Variants in PLCE1 observed in about 807,000 individuals in gnomAD.
The protein encoded by PLCE1 is phospholipase C epsilon 1.
Under a neutral mutation model 242.8 loss-of-function variants are expected in PLCE1, and 119 were observed. That is an observed-to-expected ratio of 0.49 (90% confidence interval 0.42 to 0.57). PLCE1 has a LOEUF of 0.57. Ranked by LOEUF, PLCE1 falls within the 20% of genes least tolerant of loss-of-function variation. PLCE1 has a pLI of 0.00. For synonymous variants in PLCE1, 945 were observed against 1,017.4 expected, an observed-to-expected ratio of 0.93 and a Z score of 1.35; for missense variants, 2,441 against 2,788.8, an observed-to-expected ratio of 0.88 and a Z score of 2.81.
intron 1 of PLCE1, among the ~76,000 whole-genome samples, chr10:94,016,261 A>G (rs1461829463): frequency 6.6e-6 from 1 of 152,024 alleles, no homozygotes; most frequent in Non-Finnish European, 1.5e-5. Context: ...AGACAATAGT[A>G]CTAGGTTGAG....
chr10:94,301,082 T>G (rs1217741714), intron 24 of PLCE1, among the ~76,000 whole-genome samples: 2 of 151,798 alleles, frequency 1.3e-5, no homozygotes, highest in Admixed American at 1.3e-4. Context: ...CGATGGCTTA[T>G]GCCTGTATTC....
At chr10:94,116,373 G>T (rs920735952) in intron 2 of PLCE1, among the ~76,000 whole-genome samples, 1 of 152,210 alleles carries the variant, frequency 6.6e-6, no homozygotes, top group East Asian at 1.9e-4. Flanking sequence ...GGCATTGGTA[G>T]GAAAAGGTTG....
At chr10:94,201,629 C>T (rs1459950955) in intron 4 of PLCE1, among the ~76,000 whole-genome samples, 13 of 152,158 alleles carry the variant, frequency 8.5e-5, no homozygotes. Flanking sequence ...GCGCCTGCCA[C>T]CAAGCCCGGC....
At chr10:94,127,968 G>T (rs1441254624) in intron 2 of PLCE1, among the ~76,000 whole-genome samples, 1 of 151,014 alleles carries the variant, frequency 6.6e-6, no homozygotes, top group Admixed American at 6.6e-5. Flanking sequence ...GAGTGATCTA[G>T]GAAGAGATAA....
At chr10:94,262,422 C>A in intron 13 of PLCE1, 72 bp from the exon 14 acceptor site, 1 of 969,412 alleles carries the variant, frequency 1.0e-6, no homozygotes, top group Non-Finnish European at 1.7e-6. Flanking sequence ...AACTCCACAC[C>A]ATTATCTCCA....
chr10:94,004,204 A>G (rs1356486007), intron 1 of PLCE1, among the ~76,000 whole-genome samples: 4 of 152,194 alleles, frequency 2.6e-5, no homozygotes, highest in African/African-American at 9.7e-5. Flanking sequence ...CTCCCAAGAC[A>G]GGCAGAATTG....
intron 3 of PLCE1, among the ~76,000 whole-genome samples, chr10:94,153,145 C>A (rs2047324704): frequency 6.6e-6 from 1 of 152,050 alleles, no homozygotes. Flanking sequence ...AATACAGGTC[C>A]AAGTTAGAGC....
At chr10:94,248,520 A>G (rs965603806) in intron 8 of PLCE1, among the ~76,000 whole-genome samples, 4 of 152,062 alleles carry the variant, frequency 2.6e-5, no homozygotes, top group Non-Finnish European at 2.9e-5. Context: ...AGCCTGGGAG[A>G]TGGAGGTTGC....
chr10:94,319,465 G>T (rs556637235), intron 29 of PLCE1, among the ~76,000 whole-genome samples: 2 of 152,232 alleles, frequency 1.3e-5, no homozygotes, highest in Admixed American at 6.5e-5. Context: ...AAATTCTTCA[G>T]TTGCTCTCTG....
At chr10:94,278,275 G>A (rs913466789) in intron 19 of PLCE1, among the ~76,000 whole-genome samples, 6 of 151,992 alleles carry the variant, frequency 3.9e-5, no homozygotes, top group African/African-American at 9.7e-5. Context: ...GGGAGTCTAC[G>A]AATATAAATG....
At chr10:94,265,434 T>G (rs146821433) in intron 14 of PLCE1, among the ~76,000 whole-genome samples, 6 of 152,348 alleles carry the variant, frequency 3.9e-5, no homozygotes, top group African/African-American at 9.6e-5. Context: ...TTCTATTAAA[T>G]AAATATGCTT....
Position 94,031,328 on chromosome 10 carries a change from C to T in PLCE1, c.282C>T (p.Ile94=), listed in dbSNP as rs369790468. ...ENSNEKCWEK[I]MPDSAKNLNI... is the part of the protein sequence containing the mutation. The stretch of plus-strand genomic sequence containing the variant: ...GTAATGAAAAATGTTGGGAGAAAAT[C>T]ATGCCAGATTCTGCGAAAAACCTTA... Residue 94 remains isoleucine, a synonymous_variant, in exon 2 of 33, where the codon ATC becomes ATT. Transcript: ENST00000371380. 67 of 1,613,696 alleles carry T rather than the reference C, an allele frequency of 4.2e-5. No homozygotes were observed. Among genetic ancestry groups the T allele is most frequent in the Non-Finnish European group, 4.9e-5 (58 of 1,179,854 alleles).
intron 2 of PLCE1, among the ~76,000 whole-genome samples, chr10:94,073,393 G>A (rs548614572): frequency 6.6e-6 from 1 of 152,284 alleles, no homozygotes; most frequent in Non-Finnish European, 1.5e-5. Context: ...GTGAGGACTG[G>A]AAATTGTCAG....
chr10:94,146,600 C>G (rs1303330963), intron 3 of PLCE1, among the ~76,000 whole-genome samples: 5 of 152,124 alleles, frequency 3.3e-5, no homozygotes, highest in African/African-American at 1.2e-4. Context: ...ATCCGTAGCC[C>G]TGACTTGAAC....
intron 4 of PLCE1, among the ~76,000 whole-genome samples, chr10:94,200,954 G>A (rs1377475262): frequency 1.3e-5 from 2 of 152,136 alleles, no homozygotes; most frequent in Non-Finnish European, 2.9e-5. Flanking sequence ...TAAAAATAAG[G>A]CAAGTGTAAG....
chr10:94,014,474 G>A (rs1005288335), intron 1 of PLCE1, among the ~76,000 whole-genome samples: 6 of 151,006 alleles, frequency 4.0e-5, no homozygotes, highest in South Asian at 2.1e-4. Flanking sequence ...GTGTGGTGGT[G>A]CATGTCTGTA....
chr10:94,062,415 C>T (rs775605855), intron 2 of PLCE1, among the ~76,000 whole-genome samples: 3 of 152,058 alleles, frequency 2.0e-5, no homozygotes, highest in Non-Finnish European at 4.4e-5. Context: ...CCTCAATCTC[C>T]CAAGTAGCAG....
chr10:94,198,476 C>G (rs1450408592), intron 4 of PLCE1, among the ~76,000 whole-genome samples: 1 of 152,136 alleles, frequency 6.6e-6, no homozygotes, highest in Non-Finnish European at 1.5e-5. Context: ...TAGAATTTGC[C>G]TTTTGGCATG....
At chr10:94,100,938 G>T (rs573484426) in intron 2 of PLCE1, among the ~76,000 whole-genome samples, 1 of 152,204 alleles carries the variant, frequency 6.6e-6, no homozygotes, top group South Asian at 2.1e-4. Flanking sequence ...TAGAGATGGA[G>T]TGTGACTTAG....
Sources: allele counts gnomAD v4.1 joint callset (sites outside exome capture counted in the v4.1 genomes callset), GRCh38; gene constraint gnomAD v4.1.1; transcripts MANE v1.5; gene names NCBI Gene and HGNC (gene_info 2026-07-23, HGNC 2026-07-21).